The following EPM2A variants were observed in gnomAD, a reference collection of about 807,000 sequenced individuals.
EPM2A encodes the protein EPM2A glucan phosphatase, laforin, also known as laforin.
Under a neutral mutation model 26.5 loss-of-function variants are expected in EPM2A, and 21 were observed. That is an observed-to-expected ratio of 0.79 (90% CI 0.56 to 1.14). EPM2A has a LOEUF of 1.14. EPM2A is among the 50% of genes most tolerant of loss of function. EPM2A has a pLI of 0.00. For missense variants in EPM2A, 458 were observed against 440.8 expected (o/e 1.04, Z -0.35); for synonymous variants, 217 against 177.6 (o/e 1.22, Z -1.76).
chr6:145,656,019 T>C (rs1040001015), intron 2 of EPM2A, among the ~76,000 whole-genome samples: 6 of 152,262 alleles, frequency 3.9e-5, no homozygotes, highest in South Asian at 4.1e-4. Flanking sequence ...CTGCAAGATT[T>C]GAAACGGAAA....
At chr6:145,620,572 T>A (rs138312912), downstream of EPM2A, among the ~76,000 whole-genome samples, 1,657 of 152,310 alleles carry the variant, frequency 0.011, 13 homozygotes, top group Admixed American at 0.018. Flanking sequence ...CTTTTAACCA[T>A]TTTATATACA....
chr6:145,422,549 T>C (rs950160199), intron 4 of EPM2A, among the ~76,000 whole-genome samples: 2 of 151,876 alleles, frequency 1.3e-5, no homozygotes, highest in Non-Finnish European at 2.9e-5. Flanking sequence ...AACTGCACTC[T>C]AATCCACATA....
chr6:145,644,537 T>G (rs4896833), intron 2 of EPM2A, among the ~76,000 whole-genome samples: 68,700 of 151,842 alleles, frequency 0.45, 15,958 homozygotes, highest in South Asian at 0.53. Context: ...TTAAATGGTT[T>G]AAAACTGACA....
chr6:145,412,672 T>C (rs1714979961), intron 4 of EPM2A, among the ~76,000 whole-genome samples: 1 of 152,220 alleles, frequency 6.6e-6, no homozygotes, highest in African/African-American at 2.4e-5. Flanking sequence ...TACTGAGGGA[T>C]TGAACAAGTG....
intron 4 of EPM2A, among the ~76,000 whole-genome samples, chr6:145,448,443 G>A (rs1779152738): frequency 6.6e-6 from 1 of 152,040 alleles, no homozygotes; most frequent in African/African-American, 2.4e-5. Flanking sequence ...AGACATCAAA[G>A]GAGTCAGATT....
intron 4 of EPM2A, among the ~76,000 whole-genome samples, chr6:145,433,471 T>C (rs78288049): frequency 0.087 from 13,284 of 152,260 alleles, 700 homozygotes; most frequent in African/African-American, 0.14. Context: ...CTTTTGGATT[T>C]ATTTTTCTAA....
At chr6:145,410,494 T>A (rs572575031) in intron 4 of EPM2A, among the ~76,000 whole-genome samples, 43 of 152,298 alleles carry the variant, frequency 2.8e-4, no homozygotes, top group African/African-American at 9.4e-4. Flanking sequence ...AATAAGGACA[T>A]CTTTGGAGTT....
At chr6:145,489,655 C>G (rs1051449718) in intron 4 of EPM2A, 41 of 1,324,872 alleles carry the variant, frequency 3.1e-5, no homozygotes, top group Non-Finnish European at 4.2e-5. Context: ...CATAGCTGTT[C>G]TGTCCTCATT....
rs375436219 is a variant in EPM2A, at chr6:145,627,494, G to A, written c.918C>T (p.Asp306=). ...CTTGTGCCCGGGCCAAGGCCTCTTC[G>A]TCAATGTAGACAGCCGGCCTCTTGG... The part of the protein sequence containing the change: ...LMAKRPAVYI[D]EEALARAQED... The change falls in exon 4 of 4, where the codon GAC becomes GAT. Residue 306 remains aspartate, a synonymous_variant. Transcript: ENST00000367519. 1.6e-5 allele frequency: 26 copies of A among 1,614,130 alleles called. No individual in the cohort carries two copies. The highest frequency in any genetic ancestry group is 7.7e-5 in the South Asian group (7 of 91,092).
At chr6:145,696,499 A>C (rs552475293) in intron 1 of EPM2A, among the ~76,000 whole-genome samples, 11 of 152,244 alleles carry the variant, frequency 7.2e-5, no homozygotes, top group African/African-American at 2.6e-4. Context: ...CCACATATAT[A>C]CTCATATCAA....
intron 2 of EPM2A, among the ~76,000 whole-genome samples, chr6:145,591,456 A>C (rs573026729): frequency 1.1e-3 from 165 of 152,262 alleles, no homozygotes; most frequent in Non-Finnish European, 2.2e-3. Flanking sequence ...AAAATAAGCC[A>C]AGGGGAGGAA....
chr6:145,614,701 T>G (rs1041433832), intron 2 of EPM2A, among the ~76,000 whole-genome samples: 2 of 152,218 alleles, frequency 1.3e-5, no homozygotes, highest in African/African-American at 4.8e-5. Context: ...CAGTCACAAC[T>G]GCACAACATC....
At chr6:145,439,658 AGGTT>A (rs1423657532) in intron 4 of EPM2A, among the ~76,000 whole-genome samples, 1 of 151,418 alleles carries the variant, frequency 6.6e-6, no homozygotes, top group African/African-American at 2.4e-5. Flanking sequence ...CTTTTTAATG[AGGTT>A]GTTTGTTTTT....
At chr6:145,661,783 C>T (rs1778727334) in intron 2 of EPM2A, among the ~76,000 whole-genome samples, 3 of 152,128 alleles carry the variant, frequency 2.0e-5, no homozygotes, top group South Asian at 2.1e-4. Flanking sequence ...TAAAGAATGG[C>T]TCTTGAAACC....
At chr6:145,535,307 C>T (rs972165051) in intron 2 of EPM2A, among the ~76,000 whole-genome samples, 7 of 152,202 alleles carry the variant, frequency 4.6e-5, no homozygotes, top group Non-Finnish European at 1.0e-4. Context: ...GAATACAATT[C>T]AAGGTGACAC....
chr6:145,528,363 T>C (rs959242249), intron 2 of EPM2A, among the ~76,000 whole-genome samples: 10 of 152,148 alleles, frequency 6.6e-5, no homozygotes, highest in African/African-American at 2.2e-4. Context: ...GGTCAATGCT[T>C]GGCTTCAAAA....
chr6:145,626,511 T>A lies in EPM2A; in HGVS notation c.*905A>T. ...TTGGCAACTGATCAGAATACTATTC[T>A]ATGTCTCGCTATAGAAACTCCTGCA... On this transcript the variant is annotated 3_prime_UTR_variant, in exon 4 of 4. Transcript: ENST00000367519. The A allele has an allele frequency of 3.0e-6, 3 of 985,896 alleles. No homozygotes were observed. Among genetic ancestry groups the A allele is most frequent in the Non-Finnish European group, 3.6e-6 (3 of 829,936 alleles). 61.1% of individuals were successfully genotyped at this position (985,896 alleles called of 1,614,324 possible).
intron 2 of EPM2A, among the ~76,000 whole-genome samples, chr6:145,524,452 T>C (rs904844178): frequency 6.6e-6 from 1 of 152,152 alleles, no homozygotes; most frequent in Non-Finnish European, 1.5e-5. Flanking sequence ...ATTTTTCACC[T>C]TTTTATGACA....
chr6:145,530,153 C>T (rs1475425226), intron 2 of EPM2A, among the ~76,000 whole-genome samples: 1 of 152,164 alleles, frequency 6.6e-6, no homozygotes, highest in Non-Finnish European at 1.5e-5. Context: ...CTGAGGATAT[C>T]AGCACAACCA....
Sources: gnomAD v4.1 joint callset for allele counts (sites outside exome capture counted in the v4.1 genomes callset) on GRCh38, gnomAD v4.1.1 for gene constraint, MANE v1.5 for transcripts, NCBI Gene and HGNC (gene_info 2026-07-23, HGNC 2026-07-21) for gene names.